The following ZNF717 variants were observed in gnomAD, a reference collection of about 807,000 sequenced individuals.
The protein encoded by ZNF717 is zinc finger protein 717, also known as krueppel-like factor X17.
A neutral mutation model predicts 13.8 loss-of-function variants in ZNF717; 9 were observed. The observed-to-expected ratio is 0.65, with a 90% CI of 0.39 to 1.14. The LOEUF is 1.14. Among genes scored for constraint, ZNF717 ranks in the 50% most tolerant of loss-of-function variants. The probability of loss-of-function intolerance (pLI) is 0.01; values close to 1 mark genes in which losing one functional copy is unlikely to be tolerated. For synonymous variants in ZNF717, 327 were observed against 364.1 expected, an observed-to-expected ratio of 0.90 and a Z score of 1.16; for missense variants, 1,040 against 1,080.7, an observed-to-expected ratio of 0.96 and a Z score of 0.53.
intron 2 of ZNF717, among the ~76,000 whole-genome samples, chr3:75,763,264 G>C (rs552058129): frequency 6.6e-6 from 1 of 152,294 alleles, no homozygotes; most frequent in South Asian, 2.1e-4. Context: ...GAAAATACCA[G>C]TTGAGCGTCC....
chr3:75,713,181 C>T (rs1937978930), intron 5 of ZNF717, among the ~76,000 whole-genome samples: 1 of 152,080 alleles, frequency 6.6e-6, no homozygotes, highest in African/African-American at 2.4e-5. Flanking sequence ...AGACAAGTCT[C>T]AATCTGCCAC....
At chr3:75,780,955 G>A (rs562692070) in intron 2 of ZNF717, among the ~76,000 whole-genome samples, 100 of 152,346 alleles carry the variant, frequency 6.6e-4, no homozygotes, top group African/African-American at 2.3e-3. Flanking sequence ...AAACTCACTG[G>A]TCTATTTCCC....
chr3:75,778,402 A>G (rs142381725), intron 2 of ZNF717, among the ~76,000 whole-genome samples: 24,192 of 148,520 alleles, frequency 0.16, 1,623 homozygotes, highest in African/African-American at 0.18. Flanking sequence ...CGGAACCCAA[A>G]ACAATGGGAG....
chr3:75,777,744 G>A (rs185276958), intron 2 of ZNF717, among the ~76,000 whole-genome samples: 268 of 151,844 alleles, frequency 1.8e-3, no homozygotes, highest in Middle Eastern at 3.4e-3. Flanking sequence ...AAAACAATGG[G>A]AGTGACGTGC....
intron 5 of ZNF717, among the ~76,000 whole-genome samples, chr3:75,713,140 T>A (rs1937977394): frequency 6.6e-6 from 1 of 152,032 alleles, no homozygotes; most frequent in South Asian, 2.1e-4. Context: ...TTATCCATAT[T>A]AATTAAAATT....
chr3:75,738,532 T>C lies in ZNF717; in HGVS notation c.1091A>G (p.Asp364Gly), dbSNP rs1575767328. Residue 364 changes from aspartate (D) to glycine (G), a missense_variant, in exon 5 of 5, where the codon GAT becomes GGT. By Grantham distance (94) the Asp-to-Gly change is moderately conservative (BLOSUM62 -1). This residue lies in a region of ZNF717 where 873 missense variants were observed against 832.8 expected (regional missense o/e 1.05). Transcript: ENST00000652011. ...LTLHERTHTG[D>G]KPYKCIECGK... ...ACATTCAATACATTTGTAGGGTTTA[T>C]CCCCTGTGTGAGTTCTCTCATGTAA... 4 of 1,542,522 alleles carry C rather than the reference T, an allele frequency of 2.6e-6. No homozygotes were observed. The East Asian group carries it at 9.8e-5, about 38-fold the overall frequency.
At chr3:75,725,214 T>G (rs80178389), downstream of ZNF717, among the ~76,000 whole-genome samples, 30 of 145,152 alleles carry the variant, frequency 2.1e-4, no homozygotes, top group East Asian at 5.1e-3. Context: ...CAGCCTGCAC[T>G]CCTCTCACTT....
exon 6 of ZNF717, chr3:75,730,535 T>C (rs1450264004): frequency 2.6e-5 from 18 of 685,050 alleles, no homozygotes; most frequent in Non-Finnish European, 4.0e-5. Context: ...ACACATCATG[T>C]TTGAAATATC....
intron 6 of ZNF717, among the ~76,000 whole-genome samples, chr3:75,696,176 A>G (rs112609291): frequency 0.14 from 14,699 of 103,928 alleles, no homozygotes; most frequent in East Asian, 0.25. Context: ...AGTGGTTACT[A>G]TCAGCAATTG....
intron 2 of ZNF717, among the ~76,000 whole-genome samples, chr3:75,774,434 G>A (rs539289805): frequency 1.3e-5 from 2 of 152,060 alleles, no homozygotes; most frequent in Admixed American, 6.5e-5. Flanking sequence ...CTAACTTTGG[G>A]ATGCTACAGA....
intron 6 of ZNF717, among the ~76,000 whole-genome samples, chr3:75,701,778 C>A (rs75551672): frequency 6.6e-6 from 1 of 151,826 alleles, no homozygotes; most frequent in Admixed American, 6.6e-5. Flanking sequence ...AGTTCAAAAA[C>A]TTATATAGAA....
intron 2 of ZNF717, among the ~76,000 whole-genome samples, chr3:75,762,319 T>C (rs1009198250): frequency 6.6e-6 from 1 of 151,512 alleles, no homozygotes; most frequent in African/African-American, 2.4e-5. Context: ...CGTGCACCTG[T>C]GATCCCAGCT....
intron 2 of ZNF717, among the ~76,000 whole-genome samples, chr3:75,757,411 G>C (rs1250632425): frequency 6.6e-6 from 1 of 152,176 alleles, no homozygotes; most frequent in Non-Finnish European, 1.5e-5. Flanking sequence ...TCTACAAATG[G>C]GAACAAAGCC....
intron 2 of ZNF717, among the ~76,000 whole-genome samples, chr3:75,762,551 G>A (rs1447529313): frequency 4.6e-5 from 7 of 151,602 alleles, no homozygotes; most frequent in Admixed American, 1.3e-4. Context: ...AAACACTGTC[G>A]AAAGAAACTA....
At chr3:75,696,686 A>G (rs1403198033) in intron 6 of ZNF717, among the ~76,000 whole-genome samples, 2 of 152,224 alleles carry the variant, frequency 1.3e-5, no homozygotes, top group Non-Finnish European at 2.9e-5. Context: ...TGAGTTCAGG[A>G]GTTCTAAACC....
intron 2 of ZNF717, among the ~76,000 whole-genome samples, chr3:75,754,324 G>A (rs552328039): frequency 1.8e-3 from 274 of 151,742 alleles, no homozygotes; most frequent in African/African-American, 6.0e-3. Context: ...GAATTATGGG[G>A]AAAAAATTAC....
At chr3:75,699,599 A>G (rs1937645734) in intron 6 of ZNF717, among the ~76,000 whole-genome samples, 1 of 152,422 alleles carries the variant, frequency 6.6e-6, no homozygotes, top group South Asian at 2.1e-4. Context: ...CACCAGATTT[A>G]TTTTTCACCT....
At chr3:75,705,346 C>A (rs34312999), downstream of ZNF717, among the ~76,000 whole-genome samples, 1 of 132,474 alleles carries the variant, frequency 7.5e-6, no homozygotes, top group Non-Finnish European at 1.7e-5. Context: ...TTCTCTGATG[C>A]TTGGTCAGGA....
At chr3:75,782,697 C>T (rs1020890597) in intron 2 of ZNF717, among the ~76,000 whole-genome samples, 1 of 142,916 alleles carries the variant, frequency 7.0e-6, no homozygotes, top group African/African-American at 2.5e-5. Flanking sequence ...TTCCACTACA[C>T]AACACACTAT....
Sources: allele counts gnomAD v4.1 joint callset (sites outside exome capture counted in the v4.1 genomes callset), GRCh38; gene constraint gnomAD v4.1.1; regional missense constraint gnomAD v4.1.1; transcripts MANE v1.5; gene names NCBI Gene and HGNC (gene_info 2026-07-23, HGNC 2026-07-21).